Variants in KRABD3 observed in about 807,000 individuals in gnomAD.
KRABD3 encodes KRAB domain-containing protein 3.
chr7:149,722,616 G>C, the KRABD3 span: 2 of 1,547,960 alleles, frequency 1.3e-6, no homozygotes, highest in Non-Finnish European at 1.8e-6. Context: ...CACACGAGGA[G>C]GTCATGCTGC....
At chr7:149,716,377 G>A in the KRABD3 span, among the ~76,000 whole-genome samples, 20 of 152,236 alleles carry the variant, frequency 1.3e-4, no homozygotes, top group African/African-American at 4.8e-4. Context: ...ATTGGTTGGG[G>A]GAAGGAGGTG....
chr7:149,733,901 G>A, the KRABD3 span: 2 of 1,591,332 alleles, frequency 1.3e-6, no homozygotes, highest in African/African-American at 1.3e-5. Flanking sequence ...CAGTGCAGAT[G>A]CAGACGTGCC....
chr7:149,734,374 G>A, the KRABD3 span: 13 of 302,862 alleles, frequency 4.3e-5, no homozygotes, highest in African/African-American at 2.6e-4. Context: ...CATATGCAGG[G>A]GGTGCCCCAC....
the KRABD3 span, chr7:149,724,618 G>A: frequency 9.5e-6 from 14 of 1,470,116 alleles, no homozygotes; most frequent in African/African-American, 1.8e-4. Context: ...GTCCAGGCCT[G>A]AACCTTGGGC....
the KRABD3 span, chr7:149,724,835 G>T: frequency 6.3e-7 from 1 of 1,585,894 alleles, no homozygotes; most frequent in Non-Finnish European, 8.6e-7. Flanking sequence ...CCCAGCTGGG[G>T]CCCTGAGGCT....
the KRABD3 span, chr7:149,734,020 C>T: frequency 2.5e-6 from 4 of 1,608,726 alleles, no homozygotes; most frequent in South Asian, 4.4e-5. Flanking sequence ...GTGGGGAGCA[C>T]AGGGACCCGA....
the KRABD3 span, chr7:149,729,876 C>T: frequency 3.0e-6 from 3 of 985,404 alleles, no homozygotes; most frequent in Admixed American, 1.8e-4. Context: ...CTAGGCCTGG[C>T]TAGAACCTGA....
At chr7:149,728,506 AT>A in the KRABD3 span, 1 of 1,611,896 alleles carries the variant, frequency 6.2e-7, no homozygotes, top group South Asian at 1.1e-5. Context: ...TCATCTGTGA[AT>A]GTTTGATCTT....
chr7:149,718,513 C>CTTTTTTT, the KRABD3 span, among the ~76,000 whole-genome samples: 68 of 81,960 alleles, frequency 8.3e-4, no homozygotes, highest in Admixed American at 1.1e-3. Flanking sequence ...CACTGAAGGA[C>CTTTTTTT]TTTTTTTTTT....
At chr7:149,722,307 G>C in the KRABD3 span, 15 of 1,464,216 alleles carry the variant, frequency 1.0e-5, no homozygotes, top group Non-Finnish European at 1.4e-5. Flanking sequence ...AGCCCACCTC[G>C]AACAGGGACT....
At chr7:149,722,556 G>A in the KRABD3 span, 1 of 1,608,620 alleles carries the variant, frequency 6.2e-7, no homozygotes, top group Non-Finnish European at 8.5e-7. Context: ...AGAGGCCGGT[G>A]AGAGGCGGGC....
chr7:149,715,015 C>T, the KRABD3 span: 1 of 1,227,144 alleles, frequency 8.1e-7, no homozygotes, highest in Non-Finnish European at 1.0e-6. Context: ...CCAGGGCCCG[C>T]GCCGGAAACC....
the KRABD3 span, among the ~76,000 whole-genome samples, chr7:149,717,046 C>T: frequency 4.6e-5 from 7 of 152,112 alleles, no homozygotes; most frequent in Non-Finnish European, 1.0e-4. Flanking sequence ...CCCCAGTCAC[C>T]GTGCTCTGCC....
chr7:149,726,497 G>A, the KRABD3 span, among the ~76,000 whole-genome samples: 1 of 151,560 alleles, frequency 6.6e-6, no homozygotes. Flanking sequence ...GAGTGCAGTG[G>A]CACAATCTCG....
the KRABD3 span, chr7:149,722,078 G>A: frequency 2.4e-6 from 1 of 410,642 alleles, no homozygotes; most frequent in Non-Finnish European, 4.5e-6. Context: ...GTGTTCAGGG[G>A]TCGTCGGGCA....
chr7:149,725,788 A>G, the KRABD3 span: 2 of 1,169,530 alleles, frequency 1.7e-6, no homozygotes, highest in East Asian at 5.2e-5. Flanking sequence ...AGTGGGAGAT[A>G]CTTTGGGGCA....
the KRABD3 span, chr7:149,729,568 G>A: frequency 1.0e-6 from 1 of 985,470 alleles, no homozygotes; most frequent in South Asian, 4.7e-5. Flanking sequence ...ACAAGGAGCG[G>A]GGTCGGGAAG....
At chr7:149,732,472 A>T in the KRABD3 span, among the ~76,000 whole-genome samples, 1 of 152,214 alleles carries the variant, frequency 6.6e-6, no homozygotes, top group Non-Finnish European at 1.5e-5. This position sits in a 1 kb window ranked among gnomAD's most constrained non-coding sequence, Gnocchi z 4.0. Flanking sequence ...GGCCCAGAGA[A>T]ACAGGGAAGA....
At chr7:149,733,953 A>G in the KRABD3 span, 1 of 1,601,948 alleles carries the variant, frequency 6.2e-7, no homozygotes, top group Non-Finnish European at 8.5e-7. Context: ...GAGCGGCCCA[A>G]GGAGCCGAGC....
Sources: allele counts gnomAD v4.1 joint callset (sites outside exome capture counted in the v4.1 genomes callset), GRCh38; gene constraint gnomAD v4.1.1; non-coding constraint Gnocchi (gnomAD v3.1); transcripts MANE v1.5; gene names NCBI Gene and HGNC (gene_info 2026-07-23, HGNC 2026-07-21).